ITGA9: variants seen among roughly 807,000 people sequenced by gnomAD.
The protein encoded by ITGA9 is integrin alpha-9.
ITGA9 carries 56 observed loss-of-function variants against 127.8 expected under a neutral mutation model. The ratio of observed to expected loss-of-function variants is 0.44; its 90% confidence interval spans 0.35 to 0.55. ITGA9 has a LOEUF of 0.55. ITGA9 is among the 20% of genes least tolerant of loss of function. The pLI is 0.00. For missense variants in ITGA9, 1,196 were observed against 1,347.1 expected (o/e 0.89, Z 1.76); for synonymous variants, 508 against 514.5 (o/e 0.99, Z 0.17).
At chr3:37,757,383 TG>T (rs67509556) in intron 23 of ITGA9, among the ~76,000 whole-genome samples, 4,576 of 151,990 alleles carry the variant, frequency 0.03, 125 homozygotes, top group Non-Finnish European at 0.046. Flanking sequence ...TCTTTTGAGC[TG>T]GGCATGGTTG....
intron 18 of ITGA9, among the ~76,000 whole-genome samples, chr3:37,686,700 C>T (rs1249821262): frequency 6.6e-6 from 1 of 152,058 alleles, no homozygotes; most frequent in Non-Finnish European, 1.5e-5. Flanking sequence ...TGAGTGTTAG[C>T]TCCAGAGTGG....
At chr3:37,671,553 C>T (rs1164359197) in intron 17 of ITGA9, among the ~76,000 whole-genome samples, 1 of 152,180 alleles carries the variant, frequency 6.6e-6, no homozygotes, top group Non-Finnish European at 1.5e-5. Context: ...TGGCTCAGAT[C>T]ATCTTAGTAA....
chr3:37,704,842 A>G (rs1700986827), intron 18 of ITGA9, among the ~76,000 whole-genome samples: 1 of 152,252 alleles, frequency 6.6e-6, no homozygotes, highest in African/African-American at 2.4e-5. Context: ...AATGTGGGCA[A>G]TGCTGGGTTG....
intron 4 of ITGA9, among the ~76,000 whole-genome samples, chr3:37,492,135 A>G (rs1698679830): frequency 6.6e-6 from 1 of 152,236 alleles, no homozygotes; most frequent in Admixed American, 6.5e-5. Context: ...TGAAGGGATT[A>G]ATGACAGTCA....
chr3:37,462,941 T>C (rs1698331678), intron 1 of ITGA9, among the ~76,000 whole-genome samples: 1 of 152,198 alleles, frequency 6.6e-6, no homozygotes, highest in Non-Finnish European at 1.5e-5. Context: ...TAAAGTCACA[T>C]AGCTGTAGCT....
rs373271621 is a variant in ITGA9 at position 37,539,249 on chromosome 3, C to T, written c.1529-3176C>T. Among the ~76,000 whole-genome samples the T allele has an allele frequency of 1.1e-4, 17 of 152,310 alleles. 1 individual carries two copies. In the South Asian group the frequency reaches 2.1e-3, roughly 19 times the overall value. Reference sequence around the variant, plus strand: ...CTTACCCTGTGTTAATATGGGTTCTCCCCAAAACAGAGCCTGGGTCAAGGA... The same window carrying T: ...CTTACCCTGTGTTAATATGGGTTCTTCCCAAAACAGAGCCTGGGTCAAGGA... On this transcript the variant is annotated intron_variant, in intron 14 of 27. Coordinates refer to ENST00000264741, the MANE Select transcript of ITGA9 (RefSeq NM_002207.3).
intron 17 of ITGA9, among the ~76,000 whole-genome samples, chr3:37,654,368 G>A (rs1700457991): frequency 6.6e-6 from 1 of 152,174 alleles, no homozygotes; most frequent in Non-Finnish European, 1.5e-5. Context: ...ATCCCCCAAG[G>A]CTAAAGGTGA....
At position 37,823,282 on chromosome 3, in the gene ITGA9, A is replaced by C. The variant is rs535360393; in HGVS notation, c.*4293A>C. On this transcript the variant is annotated 3_prime_UTR_variant, in exon 28 of 28. Coordinates refer to ENST00000264741, the MANE Select transcript of ITGA9 (RefSeq NM_002207.3). ...AGTGAGTTTAAAAGCTTTACGAGTG[A>C]TTAATTGCTTGGCAGGCACCCACGC... is the stretch of plus-strand genomic sequence containing the variant. The C allele has an allele frequency of 3.3e-5, 5 of 152,200 alleles. No individual in the cohort carries two copies. The highest frequency in any genetic ancestry group is 7.3e-5 in the Non-Finnish European group (5 of 68,038). 9.4% of individuals were successfully genotyped at this position (152,200 alleles called of 1,614,324 possible).
At chr3:37,663,294 CT>C (rs1489426672) in intron 17 of ITGA9, among the ~76,000 whole-genome samples, 1 of 152,076 alleles carries the variant, frequency 6.6e-6, no homozygotes, top group Non-Finnish European at 1.5e-5. Flanking sequence ...TAAAAAAATT[CT>C]TTTTTTGATG....
chr3:37,636,045 G>C (rs1345959455), intron 16 of ITGA9, among the ~76,000 whole-genome samples: 3 of 151,900 alleles, frequency 2.0e-5, no homozygotes, highest in Admixed American at 6.6e-5. Context: ...TGGACATTTA[G>C]GTTGGTTCCA....
At chr3:37,675,133 G>T (rs896557619) in intron 17 of ITGA9, among the ~76,000 whole-genome samples, 7 of 152,108 alleles carry the variant, frequency 4.6e-5, no homozygotes, top group African/African-American at 1.7e-4. Context: ...ATATCTCTTT[G>T]CCTTTTCTGC....
chr3:37,509,525 C>T (rs1036970184), intron 8 of ITGA9, among the ~76,000 whole-genome samples: 16 of 152,012 alleles, frequency 1.1e-4, no homozygotes, highest in African/African-American at 3.6e-4. Context: ...CAATTCTGTT[C>T]CTGCCGAGTT....
intron 27 of ITGA9, among the ~76,000 whole-genome samples, chr3:37,809,234 T>C (rs948296609): frequency 6.6e-6 from 1 of 151,914 alleles, no homozygotes; most frequent in Admixed American, 6.6e-5. Context: ...TACAGGTGCC[T>C]GCCACCAAGC....
At chr3:37,737,211 A>C (rs955422382) in intron 20 of ITGA9, among the ~76,000 whole-genome samples, 14 of 152,346 alleles carry the variant, frequency 9.2e-5, no homozygotes, top group African/African-American at 3.4e-4. Flanking sequence ...GGAACTGGGC[A>C]TCAGCCACTC....
intron 3 of ITGA9, 57 bp from the exon 4 acceptor site, chr3:37,481,427 G>A: frequency 6.2e-7 from 1 of 1,611,436 alleles, no homozygotes. Context: ...ACAGGAGTCT[G>A]CTTTGTGATC....
At chr3:37,800,720 T>C (rs1012727321) in intron 26 of ITGA9, among the ~76,000 whole-genome samples, 2 of 152,232 alleles carry the variant, frequency 1.3e-5, no homozygotes, top group Non-Finnish European at 2.9e-5. Context: ...AAATTGCTCT[T>C]TTTAATAACC....
intron 15 of ITGA9, among the ~76,000 whole-genome samples, chr3:37,572,382 T>C (rs1218665601): frequency 6.6e-6 from 1 of 151,972 alleles, no homozygotes; most frequent in Non-Finnish European, 1.5e-5. Context: ...TACTGTGGGG[T>C]GGTTAAGAGC....
intron 1 of ITGA9, among the ~76,000 whole-genome samples, chr3:37,464,785 A>C (rs57354502): frequency 0.027 from 4,107 of 152,258 alleles, 177 homozygotes; most frequent in African/African-American, 0.091. Context: ...ATATAAGAAG[A>C]GCTTATGAGG....
chr3:37,750,402 C>G, intron 22 of ITGA9, 60 bp from the exon 23 acceptor site: 2 of 966,566 alleles, frequency 2.1e-6, no homozygotes, highest in Non-Finnish European at 3.4e-6. Flanking sequence ...TATTGCATGA[C>G]AGGAAATGGA....
Sources: gnomAD v4.1 joint callset for allele counts (sites outside exome capture counted in the v4.1 genomes callset) on GRCh38, gnomAD v4.1.1 for gene constraint, MANE v1.5 for transcripts, NCBI Gene and HGNC (gene_info 2026-07-23, HGNC 2026-07-21) for gene names.